The following SLC35F3 variants were observed in gnomAD, a reference collection of about 807,000 sequenced individuals.
SLC35F3 encodes the protein solute carrier family 35 member F3.
SLC35F3 carries 25 observed loss-of-function variants against 49.9 expected under a neutral mutation model. The observed-to-expected ratio is 0.50, with a 90% CI of 0.37 to 0.70. SLC35F3 has a LOEUF of 0.70. Ranked by LOEUF, SLC35F3 falls within the 30% of genes least tolerant of loss-of-function variation. The probability of loss-of-function intolerance (pLI) is 0.00; values close to 1 mark genes in which losing one functional copy is unlikely to be tolerated. For synonymous variants in SLC35F3, 275 were observed against 265.4 expected (o/e 1.04, Z -0.35); for missense variants, 525 against 639.8 (o/e 0.82, Z 1.94).
intron 2 of SLC35F3, among the ~76,000 whole-genome samples, chr1:233,932,691 A>G (rs1472095350): frequency 6.6e-6 from 1 of 152,240 alleles, no homozygotes; most frequent in African/African-American, 2.4e-5. Context: ...CCACATACAG[A>G]CATTGATCCT....
In SLC35F3 at chr1:234,323,023, C is replaced by A; in HGVS notation, c.1253C>A (p.Thr418Asn). ...TCTCCCACAGTGATTGATCACTACA[C>A]CAGTCAGATCGTCTTCAATGGGGTC... ...IPVNAVIDHY[T>N]SQIVFNGVRV... Residue 418 changes from threonine (T) to asparagine (N), a missense_variant, in exon 8 of 8, where the codon ACC (threonine) becomes AAC (asparagine). Physicochemically the swap from Thr to Asn is moderately conservative, Grantham distance 65. Transcript: ENST00000366618. The surrounding 1 kb of genome is among the most constrained non-coding windows in gnomAD (Gnocchi z 4.5). 6.2e-7 allele frequency: 1 copy of A among 1,613,850 alleles called. No individual in the cohort carries two copies. The highest frequency in any genetic ancestry group is 8.5e-7 in the Non-Finnish European group (1 of 1,179,960).
At chr1:234,056,298 C>A (rs966955023) in intron 2 of SLC35F3, among the ~76,000 whole-genome samples, 3 of 151,910 alleles carry the variant, frequency 2.0e-5, no homozygotes, top group Non-Finnish European at 4.4e-5. Flanking sequence ...TCTTAAATGT[C>A]TTTGAGCACA....
At chr1:234,262,942 G>C (rs1183163475) in intron 3 of SLC35F3, among the ~76,000 whole-genome samples, 1 of 152,242 alleles carries the variant, frequency 6.6e-6, no homozygotes. Context: ...ACAAGAGCAA[G>C]CTGCTTACAT....
chr1:234,127,442 C>T (rs572025817), intron 2 of SLC35F3, among the ~76,000 whole-genome samples: 1 of 152,304 alleles, frequency 6.6e-6, no homozygotes, highest in African/African-American at 2.4e-5. Flanking sequence ...CCTCTTACAT[C>T]GTGTGCTGCC....
intron 2 of SLC35F3, among the ~76,000 whole-genome samples, chr1:234,182,672 T>C (rs934300959): frequency 1.2e-4 from 19 of 152,246 alleles, no homozygotes; most frequent in African/African-American, 4.1e-4. Flanking sequence ...TGTACCATTT[T>C]ATATTCCCAC....
At chr1:234,234,217 A>T (rs894089346) in intron 3 of SLC35F3, among the ~76,000 whole-genome samples, 6 of 152,158 alleles carry the variant, frequency 3.9e-5, no homozygotes, top group African/African-American at 1.4e-4. Context: ...TTTAGCAGGG[A>T]GCTGGGAAGA....
At chr1:234,154,309 G>C (rs1004445000) in intron 2 of SLC35F3, among the ~76,000 whole-genome samples, 1 of 152,110 alleles carries the variant, frequency 6.6e-6, no homozygotes, top group Non-Finnish European at 1.5e-5. Context: ...AGATGTAATG[G>C]GGGAAGTTAA....
intron 2 of SLC35F3, among the ~76,000 whole-genome samples, chr1:233,912,919 T>C (rs1661906369): frequency 6.6e-6 from 1 of 152,256 alleles, no homozygotes; most frequent in African/African-American, 2.4e-5. Context: ...TCTGTACAGC[T>C]GGCATCTATT....
At chr1:234,039,594 A>G (rs1478749776) in intron 2 of SLC35F3, among the ~76,000 whole-genome samples, 2 of 152,152 alleles carry the variant, frequency 1.3e-5, no homozygotes, top group African/African-American at 4.8e-5. Flanking sequence ...AGACATCCAC[A>G]CAGTCACGGA....
In SLC35F3 at chr1:234,164,396, C is replaced by T. The variant is rs567571161; in HGVS notation, c.284-67021C>T. ...TCTCCTCAACTTCTTTCCCCTCTCT[C>T]TCCCCGCTCCCTCCCTCTTTCTTTT... On this transcript the variant is annotated intron_variant, in intron 2 of 7. Coordinates refer to ENST00000366618, the MANE Select transcript of SLC35F3 (RefSeq NM_173508.4). 1.4e-3 allele frequency among the ~76,000 whole-genome samples: 216 copies of T among 149,670 alleles called. 1 individual carries two copies. Among genetic ancestry groups the T allele is most frequent in the African/African-American group, 4.9e-3 (197 of 40,464 alleles).
intron 3 of SLC35F3, among the ~76,000 whole-genome samples, chr1:234,280,073 C>A (rs1174796916): frequency 6.6e-6 from 1 of 152,230 alleles, no homozygotes; most frequent in Non-Finnish European, 1.5e-5. Context: ...TTGATCCTCA[C>A]ACAAGAGCCA....
intron 3 of SLC35F3, among the ~76,000 whole-genome samples, chr1:234,239,874 G>GA (rs1203558589): frequency 2.0e-5 from 3 of 152,168 alleles, no homozygotes; most frequent in East Asian, 3.9e-4. Context: ...GCTCTTACTT[G>GA]AAAAAAATGG....
At chr1:234,032,401 A>G (rs1664077663) in intron 2 of SLC35F3, among the ~76,000 whole-genome samples, 1 of 151,806 alleles carries the variant, frequency 6.6e-6, no homozygotes, top group Non-Finnish European at 1.5e-5. Flanking sequence ...TTTGGAGAGC[A>G]GGTGGTGTTT....
chr1:234,232,519 C>CAAAAAAAAAAAAAAAAAAAAAAAAAAAA (rs536692686), intron 3 of SLC35F3, among the ~76,000 whole-genome samples: 5 of 72,354 alleles, frequency 6.9e-5, no homozygotes, highest in African/African-American at 1.1e-4. Flanking sequence ...CAGGCCTAGT[C>CAAAAAAAAAAAAAAAAAAAAAAAAAAAA]AAAAAAAAAA....
intron 2 of SLC35F3, among the ~76,000 whole-genome samples, chr1:234,211,446 G>A (rs1041895077): frequency 2.6e-5 from 4 of 152,234 alleles, no homozygotes; most frequent in African/African-American, 9.6e-5. Context: ...GCAGCTGGGA[G>A]GGAGGCTGTA....
At chr1:233,966,733 A>G (rs1662911826) in intron 2 of SLC35F3, among the ~76,000 whole-genome samples, 1 of 152,236 alleles carries the variant, frequency 6.6e-6, no homozygotes, top group South Asian at 2.1e-4. Context: ...TAAATCATAG[A>G]AAGCCTTCCT....
At chr1:234,246,112 T>C (rs1466093770) in intron 3 of SLC35F3, among the ~76,000 whole-genome samples, 1 of 152,108 alleles carries the variant, frequency 6.6e-6, no homozygotes, top group Non-Finnish European at 1.5e-5. Flanking sequence ...AAAGGTGGTG[T>C]TTAGAGAGAG....
At chr1:234,262,857 G>A (rs1183100004) in intron 3 of SLC35F3, among the ~76,000 whole-genome samples, 1 of 152,204 alleles carries the variant, frequency 6.6e-6, no homozygotes. Context: ...GGGAAAACAG[G>A]ACTGTTTGTA....
chr1:234,015,358 A>G (rs186428347), intron 2 of SLC35F3, among the ~76,000 whole-genome samples: 172 of 152,046 alleles, frequency 1.1e-3, no homozygotes, highest in Non-Finnish European at 1.2e-3. Context: ...AAAAAAAAAA[A>G]AAAAATGCAA....
Sources: allele counts gnomAD v4.1 joint callset (sites outside exome capture counted in the v4.1 genomes callset), GRCh38; gene constraint gnomAD v4.1.1; non-coding constraint Gnocchi (gnomAD v3.1); transcripts MANE v1.5; gene names NCBI Gene and HGNC (gene_info 2026-07-23, HGNC 2026-07-21).